The following IGSF10 variants were observed in gnomAD, a reference collection of about 807,000 sequenced individuals.
The protein encoded by IGSF10 is calvaria mechanical force protein 608.
A neutral mutation model predicts 128.2 loss-of-function variants in IGSF10; 126 were observed. The ratio of observed to expected loss-of-function variants is 0.98; its 90% CI spans 0.85 to 1.14. The LOEUF (loss-of-function observed/expected upper bound fraction) is 1.14, where lower values mean the gene tolerates loss of function less well. Ranked by LOEUF, IGSF10 falls within the 50% of genes most tolerant of loss-of-function variation. The pLI is 0.00. For synonymous variants in IGSF10, 1,185 were observed against 1,146.2 expected, an observed-to-expected ratio of 1.03 and a Z score of -0.68; for missense variants, 3,295 against 3,149.8, an observed-to-expected ratio of 1.05 and a Z score of -1.10.
chr3:151,441,440 T>C (rs1398090505), intron 7 of IGSF10, among the ~76,000 whole-genome samples: 1 of 152,160 alleles, frequency 6.6e-6, no homozygotes, highest in Non-Finnish European at 1.5e-5. Flanking sequence ...TTTGATGACA[T>C]TTGAAAAACT....
chr3:151,523,932 A>T, the IGSF10 span, among the ~76,000 whole-genome samples: 7 of 152,330 alleles, frequency 4.6e-5, no homozygotes, highest in East Asian at 1.3e-3. Context: ...AATATCCAGC[A>T]TCTATAAGGA....
chr3:151,580,495 A>G, the IGSF10 span, among the ~76,000 whole-genome samples: 1 of 152,208 alleles, frequency 6.6e-6, no homozygotes, highest in Non-Finnish European at 1.5e-5. Flanking sequence ...GTAGCAATGT[A>G]TTTCATGTAT....
downstream of IGSF10, chr3:151,432,954 AGGTGTTTAAAC>A: frequency 9.6e-6 from 5 of 521,878 alleles, no homozygotes; most frequent in Middle Eastern, 5.2e-4. Context: ...AAAAAAAAAA[AGGTGTTTAAAC>A]AAAAAGCCAA....
At chr3:151,535,647 T>A in the IGSF10 span, among the ~76,000 whole-genome samples, 1 of 152,140 alleles carries the variant, frequency 6.6e-6, no homozygotes, top group African/African-American at 2.4e-5. Context: ...ATATTTAGAA[T>A]TAGAATTTAC....
the IGSF10 span, among the ~76,000 whole-genome samples, chr3:151,556,644 A>G: frequency 9.9e-5 from 15 of 152,144 alleles, no homozygotes; most frequent in African/African-American, 2.2e-4. Context: ...AAGAAAAAAG[A>G]TTTCAGTACA....
chr3:151,456,804 T>C (rs1721818505), intron 4 of IGSF10, among the ~76,000 whole-genome samples: 1 of 152,246 alleles, frequency 6.6e-6, no homozygotes, highest in Non-Finnish European at 1.5e-5. Flanking sequence ...ATTTTTTTTC[T>C]ATTAGCTTGA....
the IGSF10 span, among the ~76,000 whole-genome samples, chr3:151,528,681 C>T: frequency 6.6e-6 from 1 of 152,332 alleles, no homozygotes; most frequent in Admixed American, 6.5e-5. Context: ...ATATGCTTTT[C>T]CCATGGTCTT....
chr3:151,485,770 C>G, the IGSF10 span, among the ~76,000 whole-genome samples: 5 of 152,152 alleles, frequency 3.3e-5, no homozygotes, highest in Admixed American at 3.3e-4. Flanking sequence ...TTGTCACCAT[C>G]AGGCCTGCCT....
chr3:151,525,124 C>A, the IGSF10 span, among the ~76,000 whole-genome samples: 26 of 148,072 alleles, frequency 1.8e-4, no homozygotes, highest in African/African-American at 6.2e-4. Context: ...CTCTAGGGCT[C>A]AAGTGATCCT....
At chr3:151,485,096 G>A in the IGSF10 span, among the ~76,000 whole-genome samples, 1 of 152,094 alleles carries the variant, frequency 6.6e-6, no homozygotes. Flanking sequence ...TCGGTTTAGA[G>A]AAAAACATAA....
At chr3:151,566,075 G>C in the IGSF10 span, 7 of 153,164 alleles carry the variant, frequency 4.6e-5, no homozygotes, top group African/African-American at 1.4e-4. Context: ...TTAATGAGAG[G>C]CTTATAAAAT....
chr3:151,502,118 C>T, the IGSF10 span, among the ~76,000 whole-genome samples: 125,172 of 152,008 alleles, frequency 0.82, 51,635 homozygotes, highest in Middle Eastern at 0.93. Flanking sequence ...CATGTTACAC[C>T]TATGACTCTC....
the IGSF10 span, among the ~76,000 whole-genome samples, chr3:151,534,181 T>C: frequency 1.3e-5 from 2 of 152,188 alleles, no homozygotes; most frequent in East Asian, 1.9e-4. Context: ...AGTGGAGAAA[T>C]AGAAACACTT....
At chr3:151,568,948 A>G in the IGSF10 span, among the ~76,000 whole-genome samples, 1 of 152,250 alleles carries the variant, frequency 6.6e-6, no homozygotes. Flanking sequence ...TTGACGTCAC[A>G]GTCATTGCAC....
chr3:151,474,142 C>T, the IGSF10 span, among the ~76,000 whole-genome samples: 1 of 152,144 alleles, frequency 6.6e-6, no homozygotes, highest in African/African-American at 2.4e-5. Context: ...ACATTCAAAA[C>T]AAGCACTTAA....
At chr3:151,526,561 T>A in the IGSF10 span, among the ~76,000 whole-genome samples, 9 of 152,132 alleles carry the variant, frequency 5.9e-5, no homozygotes, top group African/African-American at 1.9e-4. Flanking sequence ...AATTTAAATT[T>A]AGCCTCTTCC....
chr3:151,432,735 T>C (rs945499675), downstream of IGSF10: 16 of 1,609,660 alleles, frequency 9.9e-6, no homozygotes, highest in Non-Finnish European at 1.4e-5. Context: ...TTTGGTTCAA[T>C]TTATTTTTCT....
chr3:151,607,835 TG>T, the IGSF10 span, among the ~76,000 whole-genome samples: 1 of 139,764 alleles, frequency 7.2e-6, no homozygotes. Flanking sequence ...GGAGTGAACC[TG>T]GGAGGCAGAT....
chr3:151,477,382 A>G, the IGSF10 span, among the ~76,000 whole-genome samples: 1 of 152,212 alleles, frequency 6.6e-6, no homozygotes, highest in Non-Finnish European at 1.5e-5. Context: ...GTTTTCCAGT[A>G]TGTTGCAGAA....
Sources: allele counts gnomAD v4.1 joint callset (sites outside exome capture counted in the v4.1 genomes callset), GRCh38; gene constraint gnomAD v4.1.1; transcripts MANE v1.5; gene names NCBI Gene and HGNC (gene_info 2026-07-23, HGNC 2026-07-21).